Variants in CLEC16A observed in about 807,000 individuals in gnomAD.
The protein encoded by CLEC16A is C-type lectin domain containing 16A, also known as protein CLEC16A.
A neutral mutation model predicts 109.5 loss-of-function variants in CLEC16A; 51 were observed. The observed-to-expected ratio is 0.47, with a 90% confidence interval of 0.37 to 0.59. The LOEUF (loss-of-function observed/expected upper bound fraction) is 0.59, where lower values mean the gene tolerates loss of function less well. Among genes scored for constraint, CLEC16A ranks in the 20% least tolerant of loss-of-function variants. CLEC16A has a pLI of 0.00. For missense variants in CLEC16A, 1,339 were observed against 1,394.0 expected, an observed-to-expected ratio of 0.96 and a Z score of 0.63; for synonymous variants, 673 against 564.2, an observed-to-expected ratio of 1.19 and a Z score of -2.73.
chr16:11,166,378 T>C lies in CLEC16A; in HGVS notation c.2642-10T>C. ...GCTTCCACTTGGTCACCTGGTACTT[T>C]GTCTTGCAGGCTTCGCCGTGGCCCA... On this transcript the variant is annotated splice_polypyrimidine_tract_variant and intron_variant, in intron 22 of 23. Transcript: ENST00000409790. 2.5e-6 allele frequency: 4 copies of C among 1,589,540 alleles called. No homozygotes were observed. The highest frequency in any genetic ancestry group is 3.4e-6 in the Non-Finnish European group (4 of 1,170,900).
intron 10 of CLEC16A, among the ~76,000 whole-genome samples, chr16:11,002,473 T>C (rs993490217): frequency 1.3e-5 from 2 of 152,274 alleles, no homozygotes; most frequent in Admixed American, 1.3e-4. Context: ...GCATTTGTTT[T>C]GGAGATTAAT....
chr16:11,146,967 TG>T (rs2054086994), intron 22 of CLEC16A, among the ~76,000 whole-genome samples: 1 of 152,066 alleles, frequency 6.6e-6, no homozygotes. Flanking sequence ...AACTGGCAGA[TG>T]CTGAGTTAAT....
At chr16:11,084,956 G>A (rs904542068) in intron 19 of CLEC16A, among the ~76,000 whole-genome samples, 9 of 152,228 alleles carry the variant, frequency 5.9e-5, no homozygotes, top group African/African-American at 1.2e-4. Flanking sequence ...AATAACTCAC[G>A]GCCCATGAGG....
At chr16:11,168,628 A>G (rs1057161602) in intron 23 of CLEC16A, among the ~76,000 whole-genome samples, 10 of 152,366 alleles carry the variant, frequency 6.6e-5, no homozygotes, top group Non-Finnish European at 1.3e-4. Flanking sequence ...AGAGCTCATC[A>G]GAGCCCACAA....
chr16:10,972,473 C>A, intron 5 of CLEC16A, 81 bp from the exon 6 acceptor site: 2 of 1,339,594 alleles, frequency 1.5e-6, no homozygotes, highest in Non-Finnish European at 2.1e-6. Flanking sequence ...AGCTCTCTCA[C>A]CTTCCCAGGT....
intron 13 of CLEC16A, among the ~76,000 whole-genome samples, chr16:11,032,497 T>C (rs1444134291): frequency 6.6e-6 from 1 of 152,268 alleles, no homozygotes; most frequent in African/African-American, 2.4e-5. Flanking sequence ...GGCCCCGTCA[T>C]AGGCACTCAA....
intron 19 of CLEC16A, among the ~76,000 whole-genome samples, chr16:11,082,928 A>G (rs1028621513): frequency 6.6e-6 from 1 of 152,112 alleles, no homozygotes; most frequent in Non-Finnish European, 1.5e-5. Flanking sequence ...GGAGCTCCCC[A>G]TCTAAGTTTA....
intron 22 of CLEC16A, among the ~76,000 whole-genome samples, chr16:11,135,115 CAGCAGG>C (rs1567373553): frequency 6.6e-6 from 1 of 152,216 alleles, no homozygotes; most frequent in Non-Finnish European, 1.5e-5. Context: ...TGAACAAAAG[CAGCAGG>C]ATTTGAGCCC....
Position 10,949,437 on chromosome 16 carries a change from G to A in CLEC16A, c.80+4640G>A, listed in dbSNP as rs999172616. 2.0e-5 allele frequency among the ~76,000 whole-genome samples: 3 copies of A among 152,024 alleles called. No homozygotes were observed. The East Asian group carries it at 5.8e-4, about 29-fold the overall frequency. ...GGGTGAGTCGTTGTTACCAGGCAGC[G>A]GGGTGTCAGGTGGAAGGAAGGATGT... is the stretch of plus-strand genomic sequence containing the variant. On this transcript the variant is annotated intron_variant, in intron 1 of 23. Transcript: ENST00000409790.
At chr16:10,983,192 AT>A (rs1387459645) in intron 10 of CLEC16A, among the ~76,000 whole-genome samples, 1 of 152,160 alleles carries the variant, frequency 6.6e-6, no homozygotes, top group African/African-American at 2.4e-5. Context: ...CCTGGATTTG[AT>A]TGATTGTGTG....
At chr16:11,136,657 G>A (rs1477628209) in intron 22 of CLEC16A, among the ~76,000 whole-genome samples, 1 of 152,204 alleles carries the variant, frequency 6.6e-6, no homozygotes, top group Non-Finnish European at 1.5e-5. Flanking sequence ...CTGGGCGTTG[G>A]TAAAACACCG....
chr16:11,125,917 AT>A, intron 21 of CLEC16A, 61 bp from the exon 22 acceptor site: 1 of 175,050 alleles, frequency 5.7e-6, no homozygotes, highest in Non-Finnish European at 1.0e-5. Flanking sequence ...CCCCCCCCAA[AT>A]TCTCACCACC....
chr16:11,078,273 C>T (rs1567287022), intron 19 of CLEC16A, among the ~76,000 whole-genome samples: 1 of 152,076 alleles, frequency 6.6e-6, no homozygotes, highest in African/African-American at 2.4e-5. Context: ...GGTTCTGAGT[C>T]ACTGGCTCCG....
chr16:11,009,246 G>T (rs2152768844), intron 11 of CLEC16A, among the ~76,000 whole-genome samples: 1 of 152,298 alleles, frequency 6.6e-6, no homozygotes, highest in East Asian at 1.9e-4. Flanking sequence ...CATTCATGTT[G>T]TAGCATGTGC....
intron 19 of CLEC16A, among the ~76,000 whole-genome samples, chr16:11,093,123 C>T (rs1293755521): frequency 6.6e-6 from 1 of 152,214 alleles, no homozygotes; most frequent in East Asian, 1.9e-4. Flanking sequence ...GCCTTTGCAC[C>T]CCCTTCTCAT....
intron 22 of CLEC16A, among the ~76,000 whole-genome samples, chr16:11,139,464 T>C (rs552202287): frequency 7.9e-5 from 12 of 152,360 alleles, no homozygotes; most frequent in African/African-American, 2.9e-4. Flanking sequence ...TTTTTTAACA[T>C]CTCAAATTCC....
intron 12 of CLEC16A, among the ~76,000 whole-genome samples, chr16:11,022,278 C>T (rs1356071605): frequency 1.3e-5 from 2 of 151,472 alleles, no homozygotes; most frequent in Non-Finnish European, 2.9e-5. Context: ...TGCCACTGCC[C>T]TCTGTCCCCC....
At chr16:10,991,702 C>T (rs908747077) in intron 10 of CLEC16A, among the ~76,000 whole-genome samples, 2 of 152,190 alleles carry the variant, frequency 1.3e-5, no homozygotes, top group African/African-American at 2.4e-5. Context: ...TGACAAGTCT[C>T]GGTACGGGAA....
intron 1 of CLEC16A, 83 bp from the exon 2 acceptor site, chr16:10,957,699 T>A: frequency 7.0e-7 from 1 of 1,431,434 alleles, no homozygotes; most frequent in Non-Finnish European, 9.8e-7. Context: ...CTGCATTGTC[T>A]CCAAAATATT....
Sources: gnomAD v4.1 joint callset for allele counts (sites outside exome capture counted in the v4.1 genomes callset) on GRCh38, gnomAD v4.1.1 for gene constraint, MANE v1.5 for transcripts, NCBI Gene and HGNC (gene_info 2026-07-23, HGNC 2026-07-21) for gene names.